LTBP2: variants seen among roughly 807,000 people sequenced by gnomAD.
The protein encoded by LTBP2 is latent transforming growth factor beta binding protein 2, also known as latent-transforming growth factor beta-binding protein 2.
Under a neutral mutation model 210.6 loss-of-function variants are expected in LTBP2, and 103 were observed. That is an observed-to-expected ratio of 0.49 (90% CI 0.42 to 0.58). LTBP2 has a LOEUF of 0.58. LTBP2 is among the 20% of genes least tolerant of loss of function. The pLI, the probability that LTBP2 is intolerant of heterozygous loss-of-function variation, is 0.00. For synonymous variants in LTBP2, 1,007 were observed against 1,015.0 expected (o/e 0.99, Z 0.15); for missense variants, 2,313 against 2,494.5 (o/e 0.93, Z 1.55).
intron 21 of LTBP2, 94 bp from the exon 22 acceptor site, chr14:74,509,457 T>G: frequency 6.4e-7 from 1 of 1,571,598 alleles, no homozygotes; most frequent in Non-Finnish European, 8.7e-7. Context: ...TCTGAGCCCC[T>G]GGGGCTTTCC....
chr14:74,551,565 A>G (rs2087656963), intron 6 of LTBP2, among the ~76,000 whole-genome samples: 1 of 152,150 alleles, frequency 6.6e-6, no homozygotes, highest in African/African-American at 2.4e-5. Context: ...AAGGAGCCTC[A>G]TTATCACATT....
At chr14:74,550,325 C>T (rs1486831565) in intron 7 of LTBP2, among the ~76,000 whole-genome samples, 1 of 152,180 alleles carries the variant, frequency 6.6e-6, no homozygotes, top group African/African-American at 2.4e-5. Flanking sequence ...ACAGAGTGGG[C>T]CTTGTGAGCA....
chr14:74,543,519 TGC>T (rs2087538067), intron 8 of LTBP2, among the ~76,000 whole-genome samples: 1 of 150,668 alleles, frequency 6.6e-6, no homozygotes, highest in Non-Finnish European at 1.5e-5. Flanking sequence ...CCTGCCTGCC[TGC>T]CTGCCTTCCC....
chr14:74,572,045 A>G (rs1166956039), intron 3 of LTBP2, among the ~76,000 whole-genome samples: 1 of 151,980 alleles, frequency 6.6e-6, no homozygotes, highest in Non-Finnish European at 1.5e-5. Context: ...CTATGTGGCT[A>G]GCAAAGCAAC....
chr14:74,600,613 T>C (rs909215502), intron 2 of LTBP2, among the ~76,000 whole-genome samples: 5 of 152,196 alleles, frequency 3.3e-5, no homozygotes, highest in African/African-American at 9.6e-5. Flanking sequence ...GTGAGACCTA[T>C]GCCCAGACCC....
At chr14:74,529,201 G>A in intron 10 of LTBP2, 79 bp from the exon 11 acceptor site, 1 of 1,509,260 alleles carries the variant, frequency 6.6e-7, no homozygotes, top group Non-Finnish European at 9.0e-7. Context: ...AGTGGATGGA[G>A]GTGTGGCTGG....
At chr14:74,606,970 T>C (rs1377475537) in intron 1 of LTBP2, among the ~76,000 whole-genome samples, 1 of 152,168 alleles carries the variant, frequency 6.6e-6, no homozygotes, top group Non-Finnish European at 1.5e-5. Flanking sequence ...TGTATCTCAG[T>C]CTTGGGTATC....
At chr14:74,600,568 A>G (rs2088432637) in intron 2 of LTBP2, among the ~76,000 whole-genome samples, 1 of 152,116 alleles carries the variant, frequency 6.6e-6, no homozygotes, top group African/African-American at 2.4e-5. Context: ...CTAGCAAGTT[A>G]GGAAACCGAG....
chr14:74,535,017 C>T (rs954568116), intron 9 of LTBP2, among the ~76,000 whole-genome samples: 3 of 152,106 alleles, frequency 2.0e-5, no homozygotes, highest in African/African-American at 7.2e-5. Flanking sequence ...CCGATGTACC[C>T]TCCAAAGGCA....
chr14:74,555,681 G>A lies in LTBP2; in HGVS notation c.843C>T (p.Gly281=), dbSNP rs899287738. ...PQSPPAGTLS[G]LSQTHPSQQH... The stretch of plus-strand genomic sequence containing the variant: ...GCTGGGAAGGGTGGGTCTGGCTGAG[G>A]CCACTCAGGGTCCTGTGGAGACAAC... Residue 281 remains glycine, a synonymous_variant, in exon 4 of 36, where the codon GGC becomes GGT. Transcript: ENST00000261978. 1.9e-6 allele frequency: 3 copies of A among 1,552,614 alleles called. No homozygotes were observed. The highest frequency in any genetic ancestry group is 2.6e-6 in the Non-Finnish European group (3 of 1,144,974).
chr14:74,511,456 T>A (rs990346475), intron 18 of LTBP2, 92 bp from the exon 19 acceptor site: 1 of 1,526,188 alleles, frequency 6.6e-7, no homozygotes, highest in Non-Finnish European at 9.1e-7. Context: ...CTGCCTTTGG[T>A]TGGGGAGAGG....
chr14:74,577,863 G>A (rs768792168), intron 3 of LTBP2, among the ~76,000 whole-genome samples: 2 of 152,018 alleles, frequency 1.3e-5, no homozygotes, highest in African/African-American at 2.4e-5. Context: ...TTACAAATGC[G>A]GGAACAAGCC....
chr14:74,556,647 G>A (rs958830457), intron 3 of LTBP2, among the ~76,000 whole-genome samples: 5 of 152,212 alleles, frequency 3.3e-5, no homozygotes, highest in African/African-American at 1.2e-4. Context: ...CTCCCCAGTA[G>A]CTAGGATTAC....
In LTBP2 at chr14:74,611,657, C is replaced by G. The variant is rs572393494; in HGVS notation, c.288G>C (p.Arg96Ser). Residue 96 changes from arginine (R) to serine (S), a missense_variant, in exon 1 of 36, where the codon AGG becomes AGC. By Grantham distance (110) the Arg-to-Ser change is moderately radical (BLOSUM62 -1). Around this residue, in one of 3 missense-constraint regions of LTBP2, gnomAD observed 1,867 missense variants for 1,976.9 expected, o/e 0.94. Coordinates refer to ENST00000261978, the MANE Select transcript of LTBP2 (RefSeq NM_000428.3). The stretch of plus-strand genomic sequence containing the variant: ...TCCTGGCCTCCGCCTCGGTGGGCCT[C>G]CTGGGGCTCCCCCAGCCCGGCTGGG... Reference protein sequence around the residue: ...ERAQPGWGSPRRPTEAEARRP... With the variant: ...ERAQPGWGSPSRPTEAEARRP... 4.8e-5 allele frequency: 75 copies of G among 1,557,950 alleles called. 1 individual carries two copies. In the South Asian group the frequency reaches 8.2e-4, roughly 17 times the overall value.
intron 2 of LTBP2, among the ~76,000 whole-genome samples, chr14:74,594,950 C>T (rs552582661): frequency 2.6e-5 from 4 of 152,356 alleles, no homozygotes; most frequent in Admixed American, 1.3e-4. Flanking sequence ...ACCCAGCTCC[C>T]ACACAGCTGT....
At chr14:74,607,243 C>T (rs1036000811) in intron 1 of LTBP2, among the ~76,000 whole-genome samples, 10 of 152,226 alleles carry the variant, frequency 6.6e-5, no homozygotes, top group Admixed American at 6.5e-5. Flanking sequence ...CCTCAACACA[C>T]GCTAGTCCCC....
At chr14:74,517,260 A>G (rs1449418719) in intron 17 of LTBP2, among the ~76,000 whole-genome samples, 1 of 152,138 alleles carries the variant, frequency 6.6e-6, no homozygotes, top group African/African-American at 2.4e-5. Context: ...CAGTCCATAC[A>G]GTATAAACTG....
intron 35 of LTBP2, 40 bp downstream of exon 35, chr14:74,501,401 G>A: frequency 1.2e-6 from 2 of 1,613,782 alleles, no homozygotes; most frequent in Non-Finnish European, 1.7e-6. Context: ...TCTGTGGGCA[G>A]TGGGCCAGCC....
chr14:74,556,733 G>A (rs900319947), intron 3 of LTBP2, among the ~76,000 whole-genome samples: 10 of 152,146 alleles, frequency 6.6e-5, no homozygotes, highest in Non-Finnish European at 1.0e-4. Context: ...GGCCAGGCTC[G>A]TCTTGAACTC....
Sources: allele counts gnomAD v4.1 joint callset (sites outside exome capture counted in the v4.1 genomes callset), GRCh38; gene constraint gnomAD v4.1.1; regional missense constraint gnomAD v4.1.1; transcripts MANE v1.5; gene names NCBI Gene and HGNC (gene_info 2026-07-23, HGNC 2026-07-21).